Variants in PIBF1 observed in about 807,000 individuals in gnomAD.
PIBF1 encodes the protein progesterone immunomodulatory binding factor 1, also known as progesterone-induced-blocking factor 1.
Under a neutral mutation model 112.5 loss-of-function variants are expected in PIBF1, and 90 were observed. That is an observed-to-expected ratio of 0.80 (90% CI 0.67 to 0.95). PIBF1 has a LOEUF of 0.95. Among genes scored for constraint, PIBF1 ranks in the 40% least tolerant of loss-of-function variants. The probability of loss-of-function intolerance (pLI) is 0.00; values close to 1 mark genes in which losing one functional copy is unlikely to be tolerated. For synonymous variants in PIBF1, 301 were observed against 288.6 expected (o/e 1.04, Z -0.44); for missense variants, 915 against 852.3 (o/e 1.07, Z -0.92).
chr13:72,858,303 C>G (rs2038536449), intron 10 of PIBF1, among the ~76,000 whole-genome samples: 1 of 152,208 alleles, frequency 6.6e-6, no homozygotes, highest in African/African-American at 2.4e-5. Context: ...CTGCCCGCCA[C>G]AGCCTCCCAA....
intron 10 of PIBF1, among the ~76,000 whole-genome samples, chr13:72,858,722 T>C (rs2038557885): frequency 6.6e-6 from 1 of 152,170 alleles, no homozygotes; most frequent in Non-Finnish European, 1.5e-5. Context: ...TGTGTGTTTT[T>C]AATTAAATTT....
intron 5 of PIBF1, among the ~76,000 whole-genome samples, chr13:72,803,740 A>G (rs1193016012): frequency 1.3e-5 from 2 of 152,182 alleles, no homozygotes; most frequent in Non-Finnish European, 2.9e-5. Context: ...AAGATAGAGA[A>G]TGTTATGACC....
At chr13:72,872,564 T>A (rs1049674108) in intron 10 of PIBF1, among the ~76,000 whole-genome samples, 1 of 152,190 alleles carries the variant, frequency 6.6e-6, no homozygotes, top group Non-Finnish European at 1.5e-5. Context: ...GATTTAATAA[T>A]TGCTGTGGAG....
Position 72,819,541 on chromosome 13 carries a change from G to A in PIBF1, c.673-2308G>A, listed in dbSNP as rs548159672. 3.3e-5 allele frequency among the ~76,000 whole-genome samples: 5 copies of A among 152,076 alleles called. No homozygotes were observed. The East Asian group carries it at 5.8e-4, about 18-fold the overall frequency. On this transcript the variant is annotated intron_variant, in intron 5 of 17. Transcript: ENST00000326291. ...CTATTAAACTGTAGAAAGAGTTGCC[G>A]ACTGATTTGGATTTGACAAACTTAG... is the stretch of plus-strand genomic sequence containing the variant.
chr13:72,947,319 A>G (rs2042175379), intron 14 of PIBF1, among the ~76,000 whole-genome samples: 1 of 152,158 alleles, frequency 6.6e-6, no homozygotes, highest in Non-Finnish European at 1.5e-5. Context: ...GCTGGGATGC[A>G]GGGCACCATG....
At position 72,973,686 on chromosome 13, in the gene PIBF1, T is replaced by A; in HGVS notation, c.2049+11T>A. 1.4e-6 allele frequency: 2 copies of A among 1,430,590 alleles called. No homozygotes were observed. The highest frequency in any genetic ancestry group is 1.4e-5 in the African/African-American group (1 of 70,508). The allele number at this position is 1,430,590 out of a possible 1,614,324, so 88.6% of individuals were successfully genotyped here. On this transcript the variant is annotated intron_variant, in intron 16 of 17. Transcript: ENST00000326291. ...CTAAATCATCGTGAGGTATTTTTCCTATTTTGTCATAATTGTAATCATTTT... is the reference window on the plus strand; with the variant it reads ...CTAAATCATCGTGAGGTATTTTTCCAATTTTGTCATAATTGTAATCATTTT...
chr13:72,898,866 A>AT (rs1033561477), intron 11 of PIBF1, among the ~76,000 whole-genome samples: 1 of 150,362 alleles, frequency 6.7e-6, no homozygotes, highest in African/African-American at 2.4e-5. Context: ...AAAAAAAAAA[A>AT]TTGATAGACC....
chr13:72,882,871 A>G (rs2039698269), intron 10 of PIBF1, among the ~76,000 whole-genome samples: 1 of 152,248 alleles, frequency 6.6e-6, no homozygotes, highest in Admixed American at 6.5e-5. Flanking sequence ...ACTATGGAGA[A>G]CAGTTTGGAG....
chr13:72,832,280 G>A (rs2037162927), intron 8 of PIBF1, among the ~76,000 whole-genome samples: 1 of 151,850 alleles, frequency 6.6e-6, no homozygotes, highest in African/African-American at 2.4e-5. Flanking sequence ...GGTTAATATT[G>A]TTATGTGTGA....
intron 14 of PIBF1, among the ~76,000 whole-genome samples, chr13:72,945,362 A>C (rs139533385): frequency 0.014 from 2,107 of 152,306 alleles, 31 homozygotes; most frequent in Non-Finnish European, 0.019. Flanking sequence ...ATGTGAGTGC[A>C]TGTGTTTGGT....
At chr13:72,949,771 C>T (rs1282458384) in intron 14 of PIBF1, among the ~76,000 whole-genome samples, 4 of 152,094 alleles carry the variant, frequency 2.6e-5, no homozygotes, top group Admixed American at 6.6e-5. Context: ...AGTTGCTATT[C>T]TGTTCTGTTT....
intron 14 of PIBF1, among the ~76,000 whole-genome samples, chr13:72,931,688 T>C (rs2041701272): frequency 7.0e-6 from 1 of 143,390 alleles, no homozygotes; most frequent in Non-Finnish European, 1.5e-5. Flanking sequence ...ATATTGCTTC[T>C]TTTTCTTAGC....
intron 11 of PIBF1, among the ~76,000 whole-genome samples, chr13:72,898,694 A>T (rs1457646788): frequency 9.3e-5 from 14 of 151,032 alleles, no homozygotes; most frequent in African/African-American, 1.9e-4. Flanking sequence ...AAAAAAAAAA[A>T]AAAATAAAGC....
chr13:72,931,412 A>T (rs559295332), intron 14 of PIBF1, 145 bp downstream of exon 14: 2 of 671,324 alleles, frequency 3.0e-6, no homozygotes, highest in Admixed American at 6.2e-5. Context: ...CTGAATGTTA[A>T]GGCCATAAAA....
At chr13:72,849,236 AC>A (rs1246896573) in intron 9 of PIBF1, among the ~76,000 whole-genome samples, 2 of 152,232 alleles carry the variant, frequency 1.3e-5, no homozygotes, top group East Asian at 3.9e-4. Context: ...TTAACTTTAT[AC>A]AAGTATTTTA....
intron 13 of PIBF1, among the ~76,000 whole-genome samples, chr13:72,926,549 C>A (rs1368364987): frequency 1.3e-5 from 2 of 152,324 alleles, no homozygotes; most frequent in Non-Finnish European, 1.5e-5. Context: ...ATAGAGCACT[C>A]TTTCTAAAGT....
chr13:73,004,626 A>G (rs974681749), intron 17 of PIBF1, among the ~76,000 whole-genome samples: 5 of 152,310 alleles, frequency 3.3e-5, no homozygotes, highest in Admixed American at 2.6e-4. Flanking sequence ...TTCTTACTAT[A>G]TTCTTACGTC....
At chr13:73,013,248 C>T (rs1330186056) in intron 17 of PIBF1, among the ~76,000 whole-genome samples, 4 of 143,906 alleles carry the variant, frequency 2.8e-5, no homozygotes, top group Non-Finnish European at 4.5e-5. Context: ...TTGCAGTGAG[C>T]CGAGATCGCG....
chr13:72,916,822 T>C (rs1388790750), intron 12 of PIBF1, among the ~76,000 whole-genome samples: 1 of 152,160 alleles, frequency 6.6e-6, no homozygotes, highest in East Asian at 1.9e-4. Flanking sequence ...TTATTATACT[T>C]TTTAACAAGA....
Sources: allele counts gnomAD v4.1 joint callset (sites outside exome capture counted in the v4.1 genomes callset), GRCh38; gene constraint gnomAD v4.1.1; transcripts MANE v1.5; gene names NCBI Gene and HGNC (gene_info 2026-07-23, HGNC 2026-07-21).